Variants in BMP8B observed in about 807,000 individuals in gnomAD.
The protein encoded by BMP8B is bone morphogenetic protein 8 (osteogenic protein 2).
In BMP8B, 17 loss-of-function variants were observed where a neutral mutation model predicts 30.3. That is an observed-to-expected ratio of 0.56 (90% CI 0.38 to 0.84). The LOEUF is 0.84. Ranked by LOEUF, BMP8B falls within the 40% of genes least tolerant of loss-of-function variation. The pLI is 0.00. For synonymous variants in BMP8B, 131 were observed against 214.7 expected (o/e 0.61, Z 3.41); for missense variants, 253 against 494.6 (o/e 0.51, Z 4.63).
intron 1 of BMP8B, among the ~76,000 whole-genome samples, chr1:39,775,328 C>T (rs1244809937): frequency 3.9e-5 from 6 of 152,196 alleles, no homozygotes; most frequent in Non-Finnish European, 5.9e-5. Flanking sequence ...GCCCCCTTCT[C>T]GGCCCGGCTG....
intron 1 of BMP8B, among the ~76,000 whole-genome samples, chr1:39,779,216 G>A: frequency 6.6e-6 from 1 of 152,220 alleles, no homozygotes; most frequent in East Asian, 1.9e-4. Context: ...GGGGACTTGG[G>A]GTTCCAGGGG....
chr1:39,786,473 C>A (rs1348659705), intron 1 of BMP8B, among the ~76,000 whole-genome samples: 1 of 152,102 alleles, frequency 6.6e-6, no homozygotes, highest in African/African-American at 2.4e-5. Flanking sequence ...GGGTGAGGAA[C>A]TTTCCTAAGG....
intron 3 of BMP8B, chr1:39,770,303 A>C (rs1478984700): frequency 6.3e-7 from 1 of 1,581,398 alleles, no homozygotes; most frequent in East Asian, 2.3e-5. Flanking sequence ...GCCTATGCCC[A>C]GATTGGCGTA....
At chr1:39,777,641 A>T (rs2124479320) in intron 1 of BMP8B, among the ~76,000 whole-genome samples, 1 of 152,336 alleles carries the variant, frequency 6.6e-6, no homozygotes, top group East Asian at 1.9e-4. Flanking sequence ...TCACCCAGAC[A>T]ACCTAAATCT....
At chr1:39,775,904 T>C (rs1453333233) in intron 1 of BMP8B, among the ~76,000 whole-genome samples, 1 of 151,908 alleles carries the variant, frequency 6.6e-6, no homozygotes, top group African/African-American at 2.4e-5. Flanking sequence ...AAGGGTGGGA[T>C]GGGTCTTGGT....
chr1:39,768,907 A>G (rs189925750), intron 3 of BMP8B, among the ~76,000 whole-genome samples: 3 of 150,782 alleles, frequency 2.0e-5, no homozygotes, highest in East Asian at 4.0e-4. Flanking sequence ...GGCCCAACTC[A>G]GTGGCTCATG....
At chr1:39,767,145 C>A (rs1649671753) in intron 3 of BMP8B, among the ~76,000 whole-genome samples, 1 of 152,024 alleles carries the variant, frequency 6.6e-6, no homozygotes, top group Non-Finnish European at 1.5e-5. Context: ...ACACCACAGA[C>A]CCTCACAGAG....
intron 3 of BMP8B, chr1:39,769,907 A>G (rs145089929): frequency 1.9e-6 from 3 of 1,604,232 alleles, no homozygotes; most frequent in African/African-American, 2.8e-5. Context: ...GCATTTCTCC[A>G]TGATCTTGGG....
intron 3 of BMP8B, chr1:39,770,061 T>C: frequency 7.8e-7 from 1 of 1,290,130 alleles, no homozygotes; most frequent in South Asian, 1.4e-5. Flanking sequence ...GAAACCTGCA[T>C]GGCTCCAAGC....
At chr1:39,768,216 G>C (rs1483240968) in intron 3 of BMP8B, among the ~76,000 whole-genome samples, 3,770 of 150,018 alleles carry the variant, frequency 0.025, 107 homozygotes, top group African/African-American at 0.086. Flanking sequence ...CCAGAGAGGA[G>C]GGCCTAAGTG....
Position 39,771,403 on chromosome 1 carries a change from C to G in BMP8B, c.673+2905G>C, listed in dbSNP as rs1374193582. ...CCAGGCGCAGGCTCTAGGCTAGGCCCGCGACCCGCAACAGGGAGGGGGCCG... is the reference window on the plus strand; with the variant it reads ...CCAGGCGCAGGCTCTAGGCTAGGCCGGCGACCCGCAACAGGGAGGGGGCCG... On this transcript the variant is annotated intron_variant, in intron 3 of 6. Coordinates refer to ENST00000372827, the MANE Select transcript of BMP8B (RefSeq NM_001720.5). 6 of 827,752 alleles carry G rather than the reference C, an allele frequency of 7.2e-6. 1 individual carries two copies. The highest frequency in any genetic ancestry group is 3.9e-5 in the African/African-American group (2 of 51,100). 51.3% of individuals were successfully genotyped at this position (827,752 alleles called of 1,614,324 possible). A position where few individuals can be genotyped will look rare whatever the true frequency, so the allele number is the denominator to read the frequency against.
intron 5 of BMP8B, among the ~76,000 whole-genome samples, chr1:39,763,434 C>G (rs866887961): frequency 6.9e-6 from 1 of 145,494 alleles, no homozygotes; most frequent in Non-Finnish European, 1.5e-5. Context: ...GAGCTGCAGT[C>G]GTAGCCAATG....
chr1:39,788,221 C>G lies in BMP8B; in HGVS notation c.265G>C (p.Asp89His), dbSNP rs766338607. Reference sequence around the variant, plus strand: ...CGCTCCGCGGGCGCGCCGTCCTCGTCGTCGTCGCCGGCCATGGCGTGGTAC... The same window carrying G: ...CGCTCCGCGGGCGCGCCGTCCTCGTGGTCGTCGCCGGCCATGGCGTGGTAC... ...DLYHAMAGDD[D>H]EDGAPAERRL... Residue 89 changes from aspartate to histidine, a missense_variant, in exon 1 of 7, where the codon GAC (aspartate) becomes CAC (histidine). By Grantham distance (81) the Asp-to-His change is moderately conservative. Transcript: ENST00000372827. The surrounding 1 kb of genome is among the most constrained non-coding windows in gnomAD (Gnocchi z 5.8). 6 of 1,571,364 alleles carry G rather than the reference C, an allele frequency of 3.8e-6. No individual in the cohort carries two copies. Among genetic ancestry groups the G allele is most frequent in the Non-Finnish European group, 5.1e-6 (6 of 1,168,352 alleles).
chr1:39,784,154 T>C (rs1650831797), intron 1 of BMP8B, among the ~76,000 whole-genome samples: 1 of 152,252 alleles, frequency 6.6e-6, no homozygotes, highest in Middle Eastern at 3.4e-3. Flanking sequence ...CAAACACAGA[T>C]GTGACGGCAA....
Position 39,781,019 on chromosome 1 carries a change from C to T in BMP8B, c.335-5981G>A, listed in dbSNP as rs923645275. Among the ~76,000 whole-genome samples, 10 of 152,198 alleles carry T rather than the reference C, an allele frequency of 6.6e-5. No individual in the cohort carries two copies. The East Asian group carries it at 9.6e-4, about 15-fold the overall frequency. On this transcript the variant is annotated intron_variant, in intron 1 of 6. Transcript: ENST00000372827. ...CATGTTTGCCAGGTGGGTGAATGGA[C>T]ATTTCTTCCATTTGGGGATCATTTA...
rs559913189 is a variant in BMP8B at position 39,779,262 on chromosome 1, G to C, written c.335-4224C>G. ...GAGCTATGGCACCCATTGTCGGCCC[G>C]CACACAGACAGGGAGGGCCGGCCCT... is the stretch of plus-strand genomic sequence containing the variant. On this transcript the variant is annotated intron_variant, in intron 1 of 6. Transcript: ENST00000372827. 1.6e-3 allele frequency among the ~76,000 whole-genome samples: 242 copies of C among 152,280 alleles called. 1 individual carries two copies. The highest frequency in any genetic ancestry group is 5.6e-3 in the African/African-American group (234 of 41,546).
At position 39,758,619 on chromosome 1, in the gene BMP8B, T is replaced by A. The variant is rs912760043; in HGVS notation, c.*1800A>T. On this transcript the variant is annotated 3_prime_UTR_variant, in exon 7 of 7. Coordinates refer to ENST00000372827, the MANE Select transcript of BMP8B (RefSeq NM_001720.5). ...GCTGCTTCTGGCTCACTATGAGGAG[T>A]TGGTAGACAGATTCTTTGGCTGAAG... 1 of 152,012 alleles carries A rather than the reference T, an allele frequency of 6.6e-6. No homozygotes were observed. The highest frequency in any genetic ancestry group is 1.5e-5 in the Non-Finnish European group (1 of 67,982). 9.4% of individuals were successfully genotyped at this position (152,012 alleles called of 1,614,324 possible). A position where few individuals can be genotyped will look rare whatever the true frequency, so the allele number is the denominator to read the frequency against.
intron 6 of BMP8B, chr1:39,762,590 G>C: frequency 6.5e-7 from 1 of 1,550,268 alleles, no homozygotes. Flanking sequence ...AGAAACTGGG[G>C]GAAAAGCCAA....
intron 1 of BMP8B, among the ~76,000 whole-genome samples, chr1:39,776,508 C>A (rs1456063014): frequency 1.3e-5 from 2 of 152,158 alleles, no homozygotes; most frequent in Admixed American, 6.5e-5. Context: ...CGGGCCGAGG[C>A]GGATGTGGGG....
Sources: allele counts gnomAD v4.1 joint callset (sites outside exome capture counted in the v4.1 genomes callset), GRCh38; gene constraint gnomAD v4.1.1; non-coding constraint Gnocchi (gnomAD v3.1); transcripts MANE v1.5; gene names NCBI Gene and HGNC (gene_info 2026-07-23, HGNC 2026-07-21).